The following ZNF536 variants were observed in gnomAD, a reference collection of about 807,000 sequenced individuals.
The protein encoded by ZNF536 is zinc finger protein 536.
Under a neutral mutation model 84.5 loss-of-function variants are expected in ZNF536, and 13 were observed. The observed-to-expected ratio is 0.15, with a 90% CI of 0.10 to 0.24. ZNF536 has a LOEUF of 0.24. Among genes scored for constraint, ZNF536 ranks in the 10% least tolerant of loss-of-function variants. The probability of loss-of-function intolerance (pLI) is 1.00; values close to 1 mark genes in which losing one functional copy is unlikely to be tolerated. For synonymous variants in ZNF536, 811 were observed against 742.5 expected, an observed-to-expected ratio of 1.09 and a Z score of -1.50; for missense variants, 1,536 against 1,747.5, an observed-to-expected ratio of 0.88 and a Z score of 2.16.
chr19:30,254,275 A>G (rs1001894210), intron 1 of ZNF536, among the ~76,000 whole-genome samples: 1 of 152,098 alleles, frequency 6.6e-6, no homozygotes, highest in Non-Finnish European at 1.5e-5. Context: ...CTCTTCTTTG[A>G]AGTTTTTATA....
At chr19:30,492,798 A>T (rs1033829767) in intron 2 of ZNF536, among the ~76,000 whole-genome samples, 1 of 152,164 alleles carries the variant, frequency 6.6e-6, no homozygotes. Context: ...AGCATATACT[A>T]TGGTAGTTTC....
At chr19:30,500,809 G>A (rs2054919193) in intron 2 of ZNF536, among the ~76,000 whole-genome samples, 1 of 152,272 alleles carries the variant, frequency 6.6e-6, no homozygotes, top group Non-Finnish European at 1.5e-5. Context: ...GTGAAATACA[G>A]TGGGATTGGT....
At chr19:30,617,426 C>T (rs1182697031) in intron 1 of ZNF536, among the ~76,000 whole-genome samples, 1 of 139,716 alleles carries the variant, frequency 7.2e-6, no homozygotes, top group African/African-American at 2.6e-5. Flanking sequence ...TCTCGGCTCA[C>T]TGCAAGCTCC....
At chr19:30,509,416 CA>C (rs2145491189) in intron 2 of ZNF536, among the ~76,000 whole-genome samples, 1 of 145,792 alleles carries the variant, frequency 6.9e-6, no homozygotes, top group African/African-American at 2.5e-5. Context: ...ATATGTATAA[CA>C]TATTATAATA....
intron 1 of ZNF536, among the ~76,000 whole-genome samples, chr19:30,410,520 G>A (rs1327590342): frequency 7.7e-5 from 10 of 130,042 alleles, no homozygotes; most frequent in Admixed American, 7.5e-4. Flanking sequence ...TGTCGCCCAG[G>A]CTGGAGTGCA....
chr19:30,705,786 C>G (rs2052203014), intron 1 of ZNF536, among the ~76,000 whole-genome samples: 1 of 152,106 alleles, frequency 6.6e-6, no homozygotes. Flanking sequence ...ATGTGCATAG[C>G]TTTAGATGGA....
chr19:30,435,670 C>T (rs1169593243), intron 1 of ZNF536, among the ~76,000 whole-genome samples: 3 of 152,106 alleles, frequency 2.0e-5, no homozygotes, highest in African/African-American at 4.8e-5. Flanking sequence ...ATAGTCTTAA[C>T]AACTACCCCA....
intron 2 of ZNF536, among the ~76,000 whole-genome samples, chr19:30,517,436 G>A (rs1486329877): frequency 6.6e-6 from 1 of 152,100 alleles, no homozygotes. Flanking sequence ...GGCCCGGTGG[G>A]GAGGACGCAT....
At chr19:30,701,546 AACAC>A in intron 1 of ZNF536, among the ~76,000 whole-genome samples, 1 of 148,858 alleles carries the variant, frequency 6.7e-6, no homozygotes. Flanking sequence ...CAGACACACA[AACAC>A]ACACACAAAC....
chr19:30,604,556 G>A (rs1416792604), intron 1 of ZNF536, among the ~76,000 whole-genome samples: 2 of 152,196 alleles, frequency 1.3e-5, no homozygotes, highest in South Asian at 2.1e-4. Flanking sequence ...TAGCTTCACA[G>A]GATAACTGGT....
chr19:30,496,436 A>G (rs1365034614), intron 2 of ZNF536, among the ~76,000 whole-genome samples: 1 of 152,020 alleles, frequency 6.6e-6, no homozygotes, highest in Non-Finnish European at 1.5e-5. Context: ...CTGCCTGGGG[A>G]CAAAGGAGGG....
intron 1 of ZNF536, among the ~76,000 whole-genome samples, chr19:30,660,597 T>C (rs1423650399): frequency 6.6e-6 from 1 of 152,258 alleles, no homozygotes; most frequent in Non-Finnish European, 1.5e-5. Context: ...TTCCCAAAGA[T>C]ATCTGAAGAG....
intron 1 of ZNF536, among the ~76,000 whole-genome samples, chr19:30,396,727 C>T (rs1355278196): frequency 6.6e-6 from 1 of 151,872 alleles, no homozygotes; most frequent in Non-Finnish European, 1.5e-5. Flanking sequence ...GCCTCAGTCT[C>T]CCGAGTAGCT....
intron 2 of ZNF536, among the ~76,000 whole-genome samples, chr19:30,507,023 G>T (rs965226575): frequency 6.6e-6 from 1 of 152,156 alleles, no homozygotes; most frequent in East Asian, 1.9e-4. Flanking sequence ...CTTGTGATCT[G>T]CTTTTGCCAC....
intron 4 of ZNF536, chr19:30,556,304 A>G (rs1178055374): frequency 6.6e-6 from 1 of 152,218 alleles, no homozygotes; most frequent in Non-Finnish European, 1.5e-5. Flanking sequence ...CTGCCTCACA[A>G]CCTGCTGCAG....
At chr19:30,601,924 T>G (rs557037039) in intron 1 of ZNF536, among the ~76,000 whole-genome samples, 7 of 152,278 alleles carry the variant, frequency 4.6e-5, no homozygotes, top group Admixed American at 3.3e-4. Flanking sequence ...GGGTGAGAAC[T>G]GTGTTTCATG....
chr19:30,485,469 C>T (rs921881023), intron 2 of ZNF536, among the ~76,000 whole-genome samples: 7 of 152,144 alleles, frequency 4.6e-5, no homozygotes, highest in Admixed American at 2.0e-4. Flanking sequence ...CCAAGACAAC[C>T]GCACATCTCT....
intron 2 of ZNF536, among the ~76,000 whole-genome samples, chr19:30,315,454 C>T (rs1421991934): frequency 6.6e-6 from 1 of 152,114 alleles, no homozygotes; most frequent in Non-Finnish European, 1.5e-5. Context: ...GGGCATGAGC[C>T]ACCCCCCTCT....
At chr19:30,659,778 A>G (rs1259847422) in intron 1 of ZNF536, among the ~76,000 whole-genome samples, 1 of 148,308 alleles carries the variant, frequency 6.7e-6, no homozygotes, top group African/African-American at 2.6e-5. Context: ...TTGAGGTGAA[A>G]TTTGGGTGGG....
Sources: gnomAD v4.1 joint callset for allele counts (sites outside exome capture counted in the v4.1 genomes callset) on GRCh38, gnomAD v4.1.1 for gene constraint, MANE v1.5 for transcripts, NCBI Gene and HGNC (gene_info 2026-07-23, HGNC 2026-07-21) for gene names.